TNFSF4: variants seen among roughly 807,000 people sequenced by gnomAD.
TNFSF4 encodes tumor necrosis factor ligand superfamily member 4.
In TNFSF4, 4 loss-of-function variants were observed where a neutral mutation model predicts 7.3. The ratio of observed to expected loss-of-function variants is 0.55; its 90% CI spans 0.27 to 1.25. The LOEUF (loss-of-function observed/expected upper bound fraction) is 1.25. TNFSF4 is among the 50% of genes most tolerant of loss of function. The probability of loss-of-function intolerance (pLI) is 0.12; values close to 1 mark genes in which losing one functional copy is unlikely to be tolerated. For missense variants in TNFSF4, 181 were observed against 208.8 expected (o/e 0.87, Z 0.82); for synonymous variants, 76 against 83.7 (o/e 0.91, Z 0.50).
the TNFSF4 span, among the ~76,000 whole-genome samples, chr1:173,239,283 T>A: frequency 4.6e-5 from 7 of 152,114 alleles, no homozygotes; most frequent in Non-Finnish European, 7.4e-5. Context: ...AGCATCAATT[T>A]TGAACTTTCA....
At chr1:173,194,363 AGTTGGGAAAATAGT>A in intron 1 of TNFSF4, among the ~76,000 whole-genome samples, 1 of 152,232 alleles carries the variant, frequency 6.6e-6, no homozygotes, top group African/African-American at 2.4e-5. Context: ...CTTCTATGCC[AGTTGGGAAAATAGT>A]CCCTGTACAT....
the TNFSF4 span, among the ~76,000 whole-genome samples, chr1:173,230,327 C>A: frequency 5.3e-5 from 8 of 152,324 alleles, no homozygotes; most frequent in Admixed American, 2.6e-4. Flanking sequence ...TCCTGAATGA[C>A]TACTGGGTAC....
the TNFSF4 span, among the ~76,000 whole-genome samples, chr1:173,331,876 T>G: frequency 6.6e-6 from 1 of 152,160 alleles, no homozygotes; most frequent in African/African-American, 2.4e-5. Flanking sequence ...TCAAGATCAG[T>G]GGTTCTCAAA....
chr1:173,333,857 T>C, the TNFSF4 span, among the ~76,000 whole-genome samples: 10 of 152,212 alleles, frequency 6.6e-5, no homozygotes, highest in Middle Eastern at 3.4e-3. Flanking sequence ...TGCTGGCCAC[T>C]GGACTCCAGC....
the TNFSF4 span, among the ~76,000 whole-genome samples, chr1:173,261,467 T>C: frequency 6.6e-6 from 1 of 151,540 alleles, no homozygotes; most frequent in East Asian, 1.9e-4. Flanking sequence ...AGAAAAGAAA[T>C]AACCAAGATC....
chr1:173,370,099 C>G, the TNFSF4 span, among the ~76,000 whole-genome samples: 1 of 152,144 alleles, frequency 6.6e-6, no homozygotes, highest in Non-Finnish European at 1.5e-5. Context: ...TACATATCCC[C>G]TTCTCCCTCT....
At chr1:173,367,909 G>A in the TNFSF4 span, among the ~76,000 whole-genome samples, 5 of 152,076 alleles carry the variant, frequency 3.3e-5, no homozygotes, top group African/African-American at 1.2e-4. Context: ...GGGGACTTGG[G>A]GAACTTTTCT....
At chr1:173,307,481 G>T in the TNFSF4 span, among the ~76,000 whole-genome samples, 1 of 151,810 alleles carries the variant, frequency 6.6e-6, no homozygotes, top group Non-Finnish European at 1.5e-5. Context: ...TAAATACAGT[G>T]CATGATCCTG....
At chr1:173,285,607 C>A in the TNFSF4 span, among the ~76,000 whole-genome samples, 1 of 152,184 alleles carries the variant, frequency 6.6e-6, no homozygotes, top group Non-Finnish European at 1.5e-5. Flanking sequence ...ACTGCCACCA[C>A]AACATTCAGC....
At chr1:173,334,820 C>T in the TNFSF4 span, among the ~76,000 whole-genome samples, 1 of 152,210 alleles carries the variant, frequency 6.6e-6, no homozygotes, top group Admixed American at 6.5e-5. Flanking sequence ...GCTGGCTCCC[C>T]TCAGGGGACC....
At chr1:173,174,003 C>T in the TNFSF4 span, among the ~76,000 whole-genome samples, 210 of 152,314 alleles carry the variant, frequency 1.4e-3, 3 homozygotes, top group South Asian at 4.1e-4. Flanking sequence ...TCACATTGTC[C>T]GGCTGCAAAT....
chr1:173,244,641 C>CAAAAAAAAA, the TNFSF4 span, among the ~76,000 whole-genome samples: 5 of 62,008 alleles, frequency 8.1e-5, no homozygotes, highest in Admixed American at 3.9e-4. Flanking sequence ...GACTCTGTCT[C>CAAAAAAAAA]AAAAAAAAAC....
the TNFSF4 span, among the ~76,000 whole-genome samples, chr1:173,364,603 T>C: frequency 6.6e-6 from 1 of 152,044 alleles, no homozygotes; most frequent in Non-Finnish European, 1.5e-5. Context: ...CAAAAATACT[T>C]CTTAAGGGAG....
chr1:173,401,573 T>C, the TNFSF4 span, among the ~76,000 whole-genome samples: 1 of 152,142 alleles, frequency 6.6e-6, no homozygotes, highest in South Asian at 2.1e-4. Context: ...GAAACATCTG[T>C]TTTCTCCTGC....
the TNFSF4 span, among the ~76,000 whole-genome samples, chr1:173,245,913 G>T: frequency 6.6e-6 from 1 of 152,182 alleles, no homozygotes; most frequent in Non-Finnish European, 1.5e-5. Flanking sequence ...ATGAATGATA[G>T]AATTTTATTC....
the TNFSF4 span, among the ~76,000 whole-genome samples, chr1:173,278,434 C>A: frequency 6.6e-6 from 1 of 152,016 alleles, no homozygotes; most frequent in Non-Finnish European, 1.5e-5. Flanking sequence ...TTTCAGGTTC[C>A]AACTGGCATG....
the TNFSF4 span, among the ~76,000 whole-genome samples, chr1:173,354,698 C>T: frequency 9.2e-5 from 14 of 151,990 alleles, no homozygotes; most frequent in Non-Finnish European, 1.5e-5. Flanking sequence ...GGATATATAC[C>T]TTTCAATAAA....
the TNFSF4 span, among the ~76,000 whole-genome samples, chr1:173,239,375 G>C: frequency 1.3e-5 from 2 of 152,156 alleles, no homozygotes; most frequent in East Asian, 3.8e-4. Flanking sequence ...CAGTCTTTCA[G>C]GGTAACCAAG....
intron 1 of TNFSF4, among the ~76,000 whole-genome samples, chr1:173,189,062 C>G (rs890612235): frequency 1.3e-5 from 2 of 152,090 alleles, no homozygotes; most frequent in African/African-American, 2.4e-5. Flanking sequence ...AGACTTCCAC[C>G]TTCCCCCTTG....
Sources: allele counts gnomAD v4.1 joint callset (sites outside exome capture counted in the v4.1 genomes callset), GRCh38; gene constraint gnomAD v4.1.1; transcripts MANE v1.5; gene names NCBI Gene and HGNC (gene_info 2026-07-23, HGNC 2026-07-21).